Variants in KANSL1 observed in about 807,000 individuals in gnomAD.
KANSL1 encodes KAT8 regulatory NSL complex subunit 1.
Under a neutral mutation model 103.6 loss-of-function variants are expected in KANSL1, and 22 were observed. The observed-to-expected ratio is 0.21, with a 90% confidence interval of 0.15 to 0.30. The LOEUF is 0.30. Among genes scored for constraint, KANSL1 ranks in the 10% least tolerant of loss-of-function variants. The probability of loss-of-function intolerance (pLI) is 1.00; values close to 1 mark genes in which losing one functional copy is unlikely to be tolerated. For missense variants in KANSL1, 1,337 were observed against 1,399.8 expected (o/e 0.96, Z 0.72); for synonymous variants, 600 against 527.6 (o/e 1.14, Z -1.88).
At chr17:46,154,805 G>A (rs2045326472) in intron 2 of KANSL1, among the ~76,000 whole-genome samples, 1 of 152,106 alleles carries the variant, frequency 6.6e-6, no homozygotes, top group Non-Finnish European at 1.5e-5. Flanking sequence ...TATTATACAT[G>A]GTTTATATGA....
intron 2 of KANSL1, among the ~76,000 whole-genome samples, chr17:46,158,737 C>T (rs2045572339): frequency 1.3e-5 from 2 of 152,084 alleles, no homozygotes; most frequent in Non-Finnish European, 2.9e-5. Flanking sequence ...GACGAGGTTT[C>T]ACCATGTTGG....
Position 46,171,514 on chromosome 17 carries a change from A to G in KANSL1, c.630T>C (p.Leu210=). Residue 210 remains leucine, a synonymous_variant, in exon 2 of 15, where the codon CTT becomes CTC. Transcript: ENST00000432791. ...GTTCTACATCAAGGCTTCTATGTGGAAGAGTGCAATTGGTCATACCCCCCT... is the reference window on the plus strand; with the variant it reads ...GTTCTACATCAAGGCTTCTATGTGGGAGAGTGCAATTGGTCATACCCCCCT... The part of the protein sequence containing the change: ...DLKGGMTNCT[L]PHRSLDVEHT... 1 of 1,614,028 alleles carries G rather than the reference A, an allele frequency of 6.2e-7. No individual in the cohort carries two copies. The highest frequency in any genetic ancestry group is 8.5e-7 in the Non-Finnish European group (1 of 1,179,978).
At position 46,082,511 on chromosome 17, in the gene KANSL1, G is replaced by A. The variant is rs990019429; in HGVS notation, c.1463C>T (p.Pro488Leu). The change falls in exon 4 of 15, where the codon CCA (proline) becomes CTA (leucine). Residue 488 changes from proline (P) to leucine (L), a missense_variant. By Grantham distance (98) the Pro-to-Leu change is moderately conservative. Transcript: ENST00000432791. ...GLIVLGEVPPPEHTTDLFLPL... is the reference protein window; with the variant it reads ...GLIVLGEVPPLEHTTDLFLPL... ...AAGAAATAAGTCTGTTGTATGCTCT[G>A]GGGGAGGTACCTCCCCAAGAACTAT... The A allele has an allele frequency of 6.2e-7, 1 of 1,609,870 alleles. No individual in the cohort carries two copies. Among genetic ancestry groups the A allele is most frequent in the Non-Finnish European group, 8.5e-7 (1 of 1,176,540 alleles).
rs1307606967 is a variant in KANSL1, at chr17:46,058,739, ACACACTCT to A, written c.1848+7790_1848+7797del. Among the ~76,000 whole-genome samples the A allele has an allele frequency of 6.1e-3, 184 of 30,044 alleles. 2 individuals carry two copies. Among genetic ancestry groups the A allele is most frequent in the African/African-American group, 0.013 (159 of 11,820 alleles). The allele number at this position is 30,044 out of a possible 152,430, so 19.7% of individuals were successfully genotyped here. ...CACACACACACACACACACACACAC[ACACACTCT>A]CTCTCTCTCTCTCTCTCTCTCTCTC... On this transcript the variant is annotated intron_variant, in intron 6 of 14. Transcript: ENST00000432791.
At chr17:46,084,634 A>G (rs1218136908) in intron 3 of KANSL1, among the ~76,000 whole-genome samples, 1 of 149,558 alleles carries the variant, frequency 6.7e-6, no homozygotes, top group African/African-American at 2.5e-5. Flanking sequence ...GTGAGCCAAG[A>G]CTGTGCCATT....
chr17:46,045,599 A>G (rs971090263), intron 7 of KANSL1: 4 of 152,174 alleles, frequency 2.6e-5, no homozygotes, highest in African/African-American at 9.7e-5. Flanking sequence ...TAAAGACCAG[A>G]AAAGGGGGAG....
At chr17:46,076,031 C>A (rs1229260422) in intron 4 of KANSL1, among the ~76,000 whole-genome samples, 1 of 152,204 alleles carries the variant, frequency 6.6e-6, no homozygotes, top group Admixed American at 6.5e-5. Context: ...GTCTTTCAGA[C>A]ACAAAGTGCA....
chr17:46,111,701 A>G (rs7225002), intron 2 of KANSL1, among the ~76,000 whole-genome samples: 59,527 of 151,488 alleles, frequency 0.39, 11,880 homozygotes, highest in Admixed American at 0.46. Flanking sequence ...AATTCTCAGA[A>G]GAAAGAACAT....
At chr17:46,153,781 C>G (rs1390773180) in intron 2 of KANSL1, among the ~76,000 whole-genome samples, 1 of 152,180 alleles carries the variant, frequency 6.6e-6, no homozygotes, top group African/African-American at 2.4e-5. Context: ...GAGAGAGAAA[C>G]TAAGACAATC....
chr17:46,157,871 C>T (rs1380577072), intron 2 of KANSL1, among the ~76,000 whole-genome samples: 1 of 152,262 alleles, frequency 6.6e-6, no homozygotes, highest in African/African-American at 2.4e-5. Flanking sequence ...ATTCACTACG[C>T]ACAGGGTGTG....
chr17:46,190,530 C>T (rs2047265123), intron 1 of KANSL1, among the ~76,000 whole-genome samples: 1 of 152,242 alleles, frequency 6.6e-6, no homozygotes, highest in Non-Finnish European at 1.5e-5. Flanking sequence ...GAAAATCCCA[C>T]CCTACCATAA....
chr17:46,122,590 T>A (rs2043329266), intron 2 of KANSL1, among the ~76,000 whole-genome samples: 1 of 152,232 alleles, frequency 6.6e-6, no homozygotes. Flanking sequence ...AAGCTTCACT[T>A]TACTGCACTT....
chr17:46,210,143 A>G (rs1057210795), intron 1 of KANSL1, among the ~76,000 whole-genome samples: 2 of 152,228 alleles, frequency 1.3e-5, no homozygotes, highest in African/African-American at 2.4e-5. Context: ...AAAAGTGGAC[A>G]TCACACCACA....
At chr17:46,186,046 C>G (rs2047016550) in intron 1 of KANSL1, among the ~76,000 whole-genome samples, 1 of 152,010 alleles carries the variant, frequency 6.6e-6, no homozygotes, top group Admixed American at 6.6e-5. Context: ...TGCTCCTGAA[C>G]AATCCTAAAA....
At chr17:46,067,728 G>T in intron 4 of KANSL1, 61 bp from the exon 5 acceptor site, 1 of 823,282 alleles carries the variant, frequency 1.2e-6, no homozygotes, top group Admixed American at 2.0e-5. Context: ...TGCCTGAAAA[G>T]CACCACCACT....
At chr17:46,091,937 C>T (rs1410174619) in intron 3 of KANSL1, among the ~76,000 whole-genome samples, 1 of 152,198 alleles carries the variant, frequency 6.6e-6, no homozygotes, top group Non-Finnish European at 1.5e-5. Context: ...CTGTCTCAGC[C>T]TCCCGAGTAG....
At position 46,082,513 on chromosome 17, in the gene KANSL1, G is replaced by A. The variant is rs750652072; in HGVS notation, c.1461C>T (p.Pro487=). 1 of 1,611,598 alleles carries A rather than the reference G, an allele frequency of 6.2e-7. No homozygotes were observed. Among genetic ancestry groups the A allele is most frequent in the South Asian group, 1.1e-5 (1 of 90,802 alleles). ...GAAATAAGTCTGTTGTATGCTCTGGGGGAGGTACCTCCCCAAGAACTATCA... is the reference window on the plus strand; with the variant it reads ...GAAATAAGTCTGTTGTATGCTCTGGAGGAGGTACCTCCCCAAGAACTATCA... ...KGLIVLGEVP[P]PEHTTDLFLP... The change falls in exon 4 of 15, where the codon CCC becomes CCT. Residue 487 remains proline, a synonymous_variant. Transcript: ENST00000432791.
Position 46,031,620 on chromosome 17 carries a change from C to T in KANSL1, c.3174G>A (p.Glu1058=). The T allele has an allele frequency of 6.2e-7, 1 of 1,614,072 alleles. No individual in the cohort carries two copies. The highest frequency in any genetic ancestry group is 1.1e-5 in the South Asian group (1 of 91,080). Residue 1058 remains glutamate (E), a synonymous_variant, in exon 15 of 15, where the codon GAG becomes GAA. Transcript: ENST00000432791. The part of the protein sequence containing the change: ...AECEDQLDAQ[E]RAARCTRRTS... ...TGCGTCGAGTGCAGCGGGCTGCTCG[C>T]TCCTGTGCATCCAGCTGGTCCTCAC...
At chr17:46,053,936 A>T (rs1334072181) in intron 6 of KANSL1, among the ~76,000 whole-genome samples, 1 of 152,202 alleles carries the variant, frequency 6.6e-6, no homozygotes, top group African/African-American at 2.4e-5. Flanking sequence ...CAACAAGAAC[A>T]CATACAATAT....
Sources: gnomAD v4.1 joint callset for allele counts (sites outside exome capture counted in the v4.1 genomes callset) on GRCh38, gnomAD v4.1.1 for gene constraint, MANE v1.5 for transcripts, NCBI Gene and HGNC (gene_info 2026-07-23, HGNC 2026-07-21) for gene names.